Variants in ARHGEF10 observed in about 807,000 individuals in gnomAD.
The protein encoded by ARHGEF10 is Rho guanine nucleotide exchange factor (GEF) 10.
In ARHGEF10, 140 loss-of-function variants were observed where a neutral mutation model predicts 147.4. That is an observed-to-expected ratio of 0.95 (90% CI 0.83 to 1.09). The LOEUF (loss-of-function observed/expected upper bound fraction) is 1.09, where lower values mean the gene tolerates loss of function less well. Ranked by LOEUF, ARHGEF10 falls within the 50% of genes least tolerant of loss-of-function variation. The pLI, the probability that ARHGEF10 is intolerant of heterozygous loss-of-function variation, is 0.00. For missense variants in ARHGEF10, 2,222 were observed against 1,752.7 expected (o/e 1.27, Z -4.78); for synonymous variants, 902 against 695.8 (o/e 1.30, Z -4.67).
chr8:1,914,834 T>C (rs1385441821), intron 18 of ARHGEF10, among the ~76,000 whole-genome samples: 4 of 152,200 alleles, frequency 2.6e-5, no homozygotes, highest in Admixed American at 2.6e-4. Flanking sequence ...TTATAACCCT[T>C]GAACGAGTAC....
chr8:1,843,275 T>A, intron 1 of ARHGEF10, 78 bp from the exon 2 acceptor site: 1 of 1,123,584 alleles, frequency 8.9e-7, no homozygotes, highest in Non-Finnish European at 1.3e-6. Context: ...TGCGGGGTTC[T>A]CTGTCGACAG....
intron 1 of ARHGEF10, among the ~76,000 whole-genome samples, chr8:1,842,853 C>T (rs62477501): frequency 0.1 from 15,296 of 152,216 alleles, 822 homozygotes; most frequent in South Asian, 0.17. Flanking sequence ...AGCCTCGCCC[C>T]GAGAGGTTAG....
chr8:1,889,940 T>C (rs1337641590), intron 11 of ARHGEF10, among the ~76,000 whole-genome samples: 4 of 140,354 alleles, frequency 2.8e-5, no homozygotes, highest in East Asian at 4.4e-4. Flanking sequence ...GCGAGGGTTG[T>C]GAGGAGACAC....
chr8:1,873,654 G>GC (rs57790959), intron 7 of ARHGEF10, among the ~76,000 whole-genome samples: 2,005 of 78,222 alleles, frequency 0.026, 148 homozygotes, highest in African/African-American at 0.088. Flanking sequence ...CTTGAGAGGT[G>GC]CCGCGGGGTA....
chr8:1,898,946 G>A (rs1810241805), intron 15 of ARHGEF10, among the ~76,000 whole-genome samples: 1 of 152,258 alleles, frequency 6.6e-6, no homozygotes, highest in Non-Finnish European at 1.5e-5. Context: ...GCCCAGAGGG[G>A]ATGGACAAGC....
chr8:1,854,347 T>C (rs1246109420), intron 2 of ARHGEF10, among the ~76,000 whole-genome samples: 1 of 152,260 alleles, frequency 6.6e-6, no homozygotes, highest in Non-Finnish European at 1.5e-5. Context: ...TGGGCACAGC[T>C]GTGGGCACCC....
At chr8:1,951,150 A>G (rs955569586) in intron 27 of ARHGEF10, among the ~76,000 whole-genome samples, 2 of 152,234 alleles carry the variant, frequency 1.3e-5, no homozygotes, top group African/African-American at 4.8e-5. Flanking sequence ...CATGCTTAAA[A>G]TACTTACTGT....
intron 4 of ARHGEF10, 97 bp downstream of exon 4, chr8:1,860,281 C>T (rs1488377597): frequency 1.1e-5 from 16 of 1,517,616 alleles, no homozygotes; most frequent in Admixed American, 1.7e-5. Flanking sequence ...CTGCATGCCC[C>T]GGATGTGGCC....
At position 1,929,475 on chromosome 8, in the gene ARHGEF10, C is replaced by T. The variant is rs1409145657; in HGVS notation, c.3079+32C>T. On this transcript the variant is annotated intron_variant, in intron 25 of 28. Transcript: ENST00000349830. ...CGGGTCTCACGGCCTCCTGGCCGGT[C>T]CTTGGGGTTCACTCAGGGGACTGTG... 3.2e-6 allele frequency: 5 copies of T among 1,580,636 alleles called. 2 individuals are homozygous for T. In the South Asian group the frequency reaches 5.8e-5, roughly 18 times the overall value.
intron 2 of ARHGEF10, among the ~76,000 whole-genome samples, chr8:1,845,910 T>A (rs1804524474): frequency 6.6e-6 from 1 of 151,520 alleles, no homozygotes; most frequent in Non-Finnish European, 1.5e-5. Context: ...ACTCCTCTGC[T>A]GGGGCTGGGG....
chr8:1,947,922 G>C (rs537051294), intron 27 of ARHGEF10, among the ~76,000 whole-genome samples: 18 of 151,980 alleles, frequency 1.2e-4, no homozygotes, highest in African/African-American at 4.3e-4. Flanking sequence ...TCCAAGCATA[G>C]AGCACCCAAC....
intron 18 of ARHGEF10, among the ~76,000 whole-genome samples, chr8:1,919,563 G>C (rs539099682): frequency 6.8e-6 from 1 of 147,900 alleles, no homozygotes; most frequent in Non-Finnish European, 1.5e-5. Context: ...TGTTCTATGG[G>C]TGATGAGCTG....
chr8:1,933,608 G>A (rs1473618790), intron 25 of ARHGEF10, among the ~76,000 whole-genome samples, 192 bp from the exon 26 acceptor site: 3 of 152,020 alleles, frequency 2.0e-5, no homozygotes, highest in African/African-American at 4.8e-5. Flanking sequence ...TGTGCTTCCC[G>A]ACTGTGCACC....
chr8:1,861,212 G>A (rs952425107), intron 4 of ARHGEF10, among the ~76,000 whole-genome samples: 1 of 152,250 alleles, frequency 6.6e-6, no homozygotes, highest in Non-Finnish European at 1.5e-5. Context: ...CTTGGTTGGT[G>A]GAGCCCGTTC....
At chr8:1,857,922 CTA>C (rs1805696473) in intron 2 of ARHGEF10, 36 bp from the exon 3 acceptor site, 1 of 1,489,450 alleles carries the variant, frequency 6.7e-7, no homozygotes, top group East Asian at 2.3e-5. Flanking sequence ...ATCTATCTAT[CTA>C]TCTCTCCTTG....
At chr8:1,881,759 C>T (rs955179627) in intron 9 of ARHGEF10, among the ~76,000 whole-genome samples, 1 of 152,210 alleles carries the variant, frequency 6.6e-6, no homozygotes, top group Non-Finnish European at 1.5e-5. Flanking sequence ...TGCCCAGCAG[C>T]CCTGCTCCTC....
chr8:1,887,791 G>T (rs1426284109), intron 11 of ARHGEF10, among the ~76,000 whole-genome samples: 1 of 142,184 alleles, frequency 7.0e-6, no homozygotes, highest in Admixed American at 7.1e-5. Context: ...GACAGTGAGT[G>T]GAGTAAGGGT....
At chr8:1,956,461 A>G (rs966153569) in intron 28 of ARHGEF10, among the ~76,000 whole-genome samples, 1 of 152,230 alleles carries the variant, frequency 6.6e-6, no homozygotes, top group Non-Finnish European at 1.5e-5. Flanking sequence ...CTATTTTATT[A>G]CTTTGAAAAG....
In ARHGEF10 at chr8:1,849,647, C is replaced by A. The variant is rs1010002876; in HGVS notation, c.37+6211C>A. ...GGGGCAGTCGTGTGGACACAGACGG[C>A]AAATGCTGAGGAGGGCGTGGGGTGG... is the stretch of plus-strand genomic sequence containing the variant. On this transcript the variant is annotated intron_variant, in intron 2 of 28. Coordinates refer to ENST00000349830, the MANE Select transcript of ARHGEF10 (RefSeq NM_014629.4). Among the ~76,000 whole-genome samples the A allele has an allele frequency of 2.5e-4, 35 of 140,956 alleles. 1 individual carries two copies. Among genetic ancestry groups the A allele is most frequent in the Admixed American group, 2.3e-3 (32 of 13,758 alleles). 92.5% of individuals were successfully genotyped at this position (140,956 alleles called of 152,430 possible). A position where few individuals can be genotyped will look rare whatever the true frequency, so the allele number is the denominator to read the frequency against.
Sources: allele counts gnomAD v4.1 joint callset (sites outside exome capture counted in the v4.1 genomes callset), GRCh38; gene constraint gnomAD v4.1.1; transcripts MANE v1.5; gene names NCBI Gene and HGNC (gene_info 2026-07-23, HGNC 2026-07-21).